RASGEF1A: variants seen among roughly 807,000 people sequenced by gnomAD.
The protein encoded by RASGEF1A is ras-GEF domain-containing family member 1A.
Under a neutral mutation model 56.4 loss-of-function variants are expected in RASGEF1A, and 18 were observed. That is an observed-to-expected ratio of 0.32 (90% CI 0.22 to 0.47). The LOEUF is 0.47. Ranked by LOEUF, RASGEF1A falls within the 20% of genes least tolerant of loss-of-function variation. The pLI, the probability that RASGEF1A is intolerant of heterozygous loss-of-function variation, is 1.00. For synonymous variants in RASGEF1A, 245 were observed against 242.6 expected, an observed-to-expected ratio of 1.01 and a Z score of -0.09; for missense variants, 422 against 627.1, an observed-to-expected ratio of 0.67 and a Z score of 3.49.
chr10:43,202,494 C>T (rs1230865885), intron 3 of RASGEF1A, among the ~76,000 whole-genome samples: 2 of 152,096 alleles, frequency 1.3e-5, no homozygotes, highest in African/African-American at 2.4e-5. Flanking sequence ...GCGGCCTCTG[C>T]CCCCGGGGAG....
At chr10:43,236,991 G>C (rs1588946146) in intron 1 of RASGEF1A, among the ~76,000 whole-genome samples, 1 of 151,976 alleles carries the variant, frequency 6.6e-6, no homozygotes, top group African/African-American at 2.4e-5. Flanking sequence ...GCCTTGTAGG[G>C]GGTCTTAGGA....
chr10:43,235,284 C>T (rs893113820), intron 1 of RASGEF1A, among the ~76,000 whole-genome samples: 3 of 152,256 alleles, frequency 2.0e-5, no homozygotes, highest in African/African-American at 7.2e-5. Flanking sequence ...AGGCACACCT[C>T]TCCCCAGTCG....
chr10:43,233,843 G>A (rs148884580), intron 1 of RASGEF1A, among the ~76,000 whole-genome samples: 5 of 152,268 alleles, frequency 3.3e-5, no homozygotes, highest in East Asian at 3.9e-4. Context: ...CAAGGGCTTC[G>A]AACTGAAAAT....
chr10:43,257,273 C>T (rs546284423), intron 1 of RASGEF1A, among the ~76,000 whole-genome samples: 1 of 152,248 alleles, frequency 6.6e-6, no homozygotes, highest in African/African-American at 2.4e-5. Context: ...GGACTCTTGA[C>T]CCCTCCAAGC....
chr10:43,224,118 G>GA (rs1840243442), intron 1 of RASGEF1A, among the ~76,000 whole-genome samples: 2 of 152,146 alleles, frequency 1.3e-5, no homozygotes, highest in East Asian at 1.9e-4. Flanking sequence ...TAAGCCTCTG[G>GA]AAAAAATAAA....
At chr10:43,237,914 G>A (rs1038299114) in intron 1 of RASGEF1A, among the ~76,000 whole-genome samples, 1 of 152,210 alleles carries the variant, frequency 6.6e-6, no homozygotes, top group Non-Finnish European at 1.5e-5. Flanking sequence ...CAGACACTCA[G>A]GCACAGGCAA....
At chr10:43,246,693 A>G (rs965968466) in intron 1 of RASGEF1A, among the ~76,000 whole-genome samples, 3 of 152,216 alleles carry the variant, frequency 2.0e-5, no homozygotes, top group African/African-American at 7.2e-5. Flanking sequence ...TTCAACAAAT[A>G]GTGCTGGGAC....
chr10:43,221,093 G>A (rs1301738378), intron 1 of RASGEF1A, among the ~76,000 whole-genome samples: 1 of 152,182 alleles, frequency 6.6e-6, no homozygotes, highest in East Asian at 1.9e-4. Context: ...GCCCTGCTGG[G>A]AGAAGAGGAG....
At chr10:43,228,783 G>A (rs934928049) in intron 1 of RASGEF1A, among the ~76,000 whole-genome samples, 3 of 152,212 alleles carry the variant, frequency 2.0e-5, no homozygotes, top group Non-Finnish European at 4.4e-5. Context: ...TGTGGGCACC[G>A]TGAGGACAAC....
rs185926878 is a variant in RASGEF1A, at chr10:43,244,463, C to T, written c.-7+22382G>A. The stretch of plus-strand genomic sequence containing the variant: ...TAAGCCAACTAGACCTAACAGACAT[C>T]GACAGAACACTCCACTTAACAACAA... On this transcript the variant is annotated intron_variant, in intron 1 of 12. Transcript: ENST00000395810. Among the ~76,000 whole-genome samples, 32 of 151,068 alleles carry T rather than the reference C, an allele frequency of 2.1e-4. 2 individuals carry two copies. Among genetic ancestry groups the T allele is most frequent in the Non-Finnish European group, 3.0e-4 (20 of 67,612 alleles).
intron 1 of RASGEF1A, among the ~76,000 whole-genome samples, chr10:43,224,617 C>T (rs1480014194): frequency 3.3e-5 from 5 of 152,232 alleles, no homozygotes; most frequent in South Asian, 2.1e-4. Flanking sequence ...TCCTTGATGA[C>T]GAATACCTAT....
Position 43,196,119 on chromosome 10 carries a change from TC to T in RASGEF1A, c.*124del, listed in dbSNP as rs1839793061. Reference sequence around the variant, plus strand: ...ATGCGTGAAATAATTACCATTTTTTTCTCATAAAAGTTATATACAAAATGGA... The same window carrying T: ...ATGCGTGAAATAATTACCATTTTTTTTCATAAAAGTTATATACAAAATGGA... On this transcript the variant is annotated 3_prime_UTR_variant, in exon 13 of 13. Coordinates refer to ENST00000395810, the MANE Select transcript of RASGEF1A (RefSeq NM_145313.4). This position sits in a 1 kb window ranked among gnomAD's most constrained non-coding sequence, Gnocchi z 4.6. The T allele has an allele frequency of 1.1e-6, 1 of 884,220 alleles. No individual in the cohort carries two copies. Among genetic ancestry groups the T allele is most frequent in the East Asian group, 2.5e-5 (1 of 39,830 alleles). The allele number at this position is 884,220 out of a possible 1,614,324, so 54.8% of individuals were successfully genotyped here.
chr10:43,206,238 G>A (rs1839994422), intron 1 of RASGEF1A, 116 bp from the exon 2 acceptor site: 5 of 876,492 alleles, frequency 5.7e-6, no homozygotes, highest in Non-Finnish European at 6.9e-6. Context: ...TGGCAGGGGC[G>A]CAGCGGCACT....
intron 5 of RASGEF1A, 49 bp from the exon 6 acceptor site, chr10:43,200,305 G>C (rs1449791021): frequency 6.7e-7 from 1 of 1,496,358 alleles, no homozygotes; most frequent in African/African-American, 1.4e-5. Flanking sequence ...CCCTGGAGAA[G>C]GGACAGCACT....
chr10:43,228,436 G>T (rs1840311642), intron 1 of RASGEF1A, among the ~76,000 whole-genome samples: 1 of 152,188 alleles, frequency 6.6e-6, no homozygotes, highest in Non-Finnish European at 1.5e-5. Context: ...GGGGCCGTGG[G>T]GTCCACCTGT....
At chr10:43,262,849 G>A (rs1836559249) in intron 1 of RASGEF1A, among the ~76,000 whole-genome samples, 1 of 152,216 alleles carries the variant, frequency 6.6e-6, no homozygotes, top group Non-Finnish European at 1.5e-5. Context: ...GGGGATGGTG[G>A]CCCGGCCCAC....
At chr10:43,212,761 C>A (rs1044748803) in intron 1 of RASGEF1A, among the ~76,000 whole-genome samples, 1 of 152,192 alleles carries the variant, frequency 6.6e-6, no homozygotes, top group Non-Finnish European at 1.5e-5. Context: ...CCAGTGGGTA[C>A]GTTCTGGAGC....
At chr10:43,210,765 C>T (rs1048824118) in intron 1 of RASGEF1A, among the ~76,000 whole-genome samples, 2 of 152,246 alleles carry the variant, frequency 1.3e-5, no homozygotes, top group African/African-American at 4.8e-5. Context: ...CAGACGGGGC[C>T]GGGGCCAGCC....
intron 1 of RASGEF1A, among the ~76,000 whole-genome samples, chr10:43,249,734 G>A (rs1278856692): frequency 1.3e-5 from 2 of 152,198 alleles, no homozygotes; most frequent in African/African-American, 2.4e-5. Context: ...CCCTCAGAAG[G>A]AGCCAGCTGG....
Sources: allele counts gnomAD v4.1 joint callset (sites outside exome capture counted in the v4.1 genomes callset), GRCh38; gene constraint gnomAD v4.1.1; non-coding constraint Gnocchi (gnomAD v3.1); transcripts MANE v1.5; gene names NCBI Gene and HGNC (gene_info 2026-07-23, HGNC 2026-07-21).